The following RMND1 variants were observed in gnomAD, a reference collection of about 807,000 sequenced individuals.
RMND1 encodes required for meiotic nuclear division protein 1 homolog.
In RMND1, 41 loss-of-function variants were observed where a neutral mutation model predicts 54.0. The ratio of observed to expected loss-of-function variants is 0.76; its 90% CI spans 0.59 to 0.98. The LOEUF is 0.98. RMND1 is among the 50% of genes least tolerant of loss of function. RMND1 has a pLI of 0.00. For synonymous variants in RMND1, 183 were observed against 181.7 expected, an observed-to-expected ratio of 1.01 and a Z score of -0.06; for missense variants, 457 against 532.0, an observed-to-expected ratio of 0.86 and a Z score of 1.39.
intron 6 of RMND1, among the ~76,000 whole-genome samples, chr6:151,425,244 C>T (rs984638183): frequency 6.6e-6 from 1 of 152,186 alleles, no homozygotes; most frequent in African/African-American, 2.4e-5. Context: ...TGCTTGGTCA[C>T]AAGATGCTTT....
At chr6:151,449,125 T>C (rs1020066625) in intron 1 of RMND1, among the ~76,000 whole-genome samples, 29 of 148,390 alleles carry the variant, frequency 2.0e-4, no homozygotes, top group African/African-American at 6.8e-4. Flanking sequence ...CCCCAGCATT[T>C]TGGGAGGCCG....
At chr6:151,443,929 C>A (rs2114969212) in intron 2 of RMND1, among the ~76,000 whole-genome samples, 1 of 152,272 alleles carries the variant, frequency 6.6e-6, no homozygotes, top group South Asian at 2.1e-4. Flanking sequence ...CATAACATTT[C>A]TCTGTTCATG....
chr6:151,451,603 A>C (rs1200759857), intron 1 of RMND1, among the ~76,000 whole-genome samples: 1 of 152,202 alleles, frequency 6.6e-6, no homozygotes, highest in Non-Finnish European at 1.5e-5. Context: ...CGCCCAGCAC[A>C]TAGTAGGCAT....
intron 5 of RMND1, 142 bp downstream of exon 5, chr6:151,429,996 A>G (rs1299201454): frequency 1.7e-5 from 10 of 589,982 alleles, no homozygotes; most frequent in Non-Finnish European, 2.5e-5. Context: ...GGAAGATGAA[A>G]CTGATAAGTA....
intron 1 of RMND1, among the ~76,000 whole-genome samples, chr6:151,449,184 T>C (rs920155551): frequency 3.4e-5 from 5 of 149,100 alleles, no homozygotes; most frequent in Admixed American, 6.7e-5. Context: ...CTGGCCAACA[T>C]GGTGAAACCT....
intron 4 of RMND1, among the ~76,000 whole-genome samples, chr6:151,432,788 G>T (rs563810978): frequency 6.6e-6 from 1 of 152,222 alleles, no homozygotes; most frequent in African/African-American, 2.4e-5. Context: ...AAAATGGCAA[G>T]AAGAGACAGC....
At chr6:151,406,003 T>C (rs1470810322) in intron 10 of RMND1, among the ~76,000 whole-genome samples, 167 bp from the exon 11 acceptor site, 1 of 152,226 alleles carries the variant, frequency 6.6e-6, no homozygotes, top group African/African-American at 2.4e-5. Flanking sequence ...CATTTTGTAA[T>C]GTACAAATTT....
chr6:151,441,028 C>T (rs1325066307), intron 2 of RMND1, among the ~76,000 whole-genome samples: 5 of 152,090 alleles, frequency 3.3e-5, no homozygotes, highest in African/African-American at 4.8e-5. Context: ...ATATTCAGGG[C>T]TTTTCTACTT....
Position 151,427,581 on chromosome 6 carries a change from A to ATAGTTTTG in RMND1, c.730_731insCAAAACTA (p.Met244ThrfsTer4). On this transcript the variant is annotated frameshift_variant and splice_region_variant, in exon 6 of 12. Coordinates refer to ENST00000444024, the MANE Select transcript of RMND1 (RefSeq NM_017909.4). LOFTEE classifies it high-confidence loss of function. ...TTCTAGAACTTTCATCACATGCTTCATCTAGAAGAAAAGGAAGATTAATCT... is the reference window on the plus strand; with the variant it reads ...TTCTAGAACTTTCATCACATGCTTCATAGTTTTGTCTAGAAGAAAAGGAAGATTAATCT... The ATAGTTTTG allele has an allele frequency of 1.3e-6, 2 of 1,591,438 alleles. No individual in the cohort carries two copies. The highest frequency in any genetic ancestry group is 1.7e-6 in the Non-Finnish European group (2 of 1,160,122).
chr6:151,440,306 T>TG (rs1562798582), intron 2 of RMND1, among the ~76,000 whole-genome samples: 1 of 152,190 alleles, frequency 6.6e-6, no homozygotes, highest in Non-Finnish European at 1.5e-5. Flanking sequence ...AACCGCCACT[T>TG]GGAGATAAAA....
chr6:151,406,359 T>TTTGTTGTTGTTGTTG (rs906955676), intron 10 of RMND1, among the ~76,000 whole-genome samples: 2 of 114,328 alleles, frequency 1.7e-5, no homozygotes, highest in African/African-American at 7.8e-5. Flanking sequence ...AACTTTTTTT[T>TTTGTTGTTGTTGTTG]TTGTTGTTGT....
chr6:151,451,649 AC>A (rs1713097574), intron 1 of RMND1, among the ~76,000 whole-genome samples: 1 of 152,176 alleles, frequency 6.6e-6, no homozygotes, highest in Non-Finnish European at 1.5e-5. Context: ...CAAGGCAGTT[AC>A]TCAGTTCCCG....
At chr6:151,422,251 C>T (rs1012492100) in intron 8 of RMND1, among the ~76,000 whole-genome samples, 8 of 150,698 alleles carry the variant, frequency 5.3e-5, no homozygotes, top group African/African-American at 2.0e-4. Flanking sequence ...GTTATTATTT[C>T]CTAAATAATA....
intron 1 of RMND1, among the ~76,000 whole-genome samples, chr6:151,447,843 T>C (rs1781004074): frequency 7.0e-6 from 1 of 142,794 alleles, no homozygotes; most frequent in Admixed American, 7.3e-5. Context: ...GATGGGAGTC[T>C]CGCTCTGTCA....
intron 10 of RMND1, among the ~76,000 whole-genome samples, chr6:151,406,839 T>C (rs890343691): frequency 1.3e-5 from 2 of 152,088 alleles, no homozygotes; most frequent in Admixed American, 6.6e-5. Flanking sequence ...AACTGCACCA[T>C]GTTACGATTT....
chr6:151,410,562 A>C (rs1262834771), intron 10 of RMND1, among the ~76,000 whole-genome samples: 2 of 152,194 alleles, frequency 1.3e-5, no homozygotes, highest in African/African-American at 4.8e-5. Context: ...AGGTAGTTTG[A>C]GACCTTTTAG....
chr6:151,446,961 A>G (rs2114973490), intron 1 of RMND1, among the ~76,000 whole-genome samples: 1 of 152,278 alleles, frequency 6.6e-6, no homozygotes, highest in South Asian at 2.1e-4. Flanking sequence ...ATAATATGTT[A>G]GGTGCTAGAG....
chr6:151,430,250 T>C (rs992493661), intron 4 of RMND1, 73 bp from the exon 5 acceptor site: 3 of 1,067,254 alleles, frequency 2.8e-6, no homozygotes, highest in Non-Finnish European at 4.3e-6. Flanking sequence ...TATAAAACCA[T>C]GTAACTTCTA....
rs142395949 is a variant in RMND1, at chr6:151,414,563, C to G, written c.1200+2716G>C. Among the ~76,000 whole-genome samples, 411 of 151,920 alleles carry G rather than the reference C, an allele frequency of 2.7e-3. 1 individual carries two copies. The highest frequency in any genetic ancestry group is 4.4e-3 in the Non-Finnish European group (302 of 67,958). Reference sequence around the variant, plus strand: ...CAAGCAATTCTGAACACATTTGAAACAAACGAAAAAGCAGGAAGTCTCTGC... The same window carrying G: ...CAAGCAATTCTGAACACATTTGAAAGAAACGAAAAAGCAGGAAGTCTCTGC... On this transcript the variant is annotated intron_variant, in intron 10 of 11. Coordinates refer to ENST00000444024, the MANE Select transcript of RMND1 (RefSeq NM_017909.4).
Sources: allele counts gnomAD v4.1 joint callset (sites outside exome capture counted in the v4.1 genomes callset), GRCh38; gene constraint gnomAD v4.1.1; transcripts MANE v1.5; gene names NCBI Gene and HGNC (gene_info 2026-07-23, HGNC 2026-07-21).